Variants in ANTXR1 observed in about 807,000 individuals in gnomAD.
The protein encoded by ANTXR1 is ANTXR cell adhesion molecule 1, also known as anthrax toxin receptor 1.
ANTXR1 carries 19 observed loss-of-function variants against 78.1 expected under a neutral mutation model. The ratio of observed to expected loss-of-function variants is 0.24; its 90% CI spans 0.17 to 0.36. ANTXR1 has a LOEUF of 0.36. Among genes scored for constraint, ANTXR1 ranks in the 10% least tolerant of loss-of-function variants. The pLI is 1.00. For synonymous variants in ANTXR1, 273 were observed against 260.5 expected (o/e 1.05, Z -0.46); for missense variants, 518 against 718.6 (o/e 0.72, Z 3.19).
intron 10 of ANTXR1, among the ~76,000 whole-genome samples, chr2:69,110,591 G>A (rs899556142): frequency 4.6e-5 from 7 of 152,220 alleles, no homozygotes; most frequent in Non-Finnish European, 1.0e-4. Flanking sequence ...GGGCGCGGTG[G>A]CTCACGCCTG....
intron 10 of ANTXR1, among the ~76,000 whole-genome samples, chr2:69,118,614 A>G (rs1297093555): frequency 6.6e-6 from 1 of 152,076 alleles, no homozygotes; most frequent in Non-Finnish European, 1.5e-5. Context: ...GGCCACCTAG[A>G]GGGTGGACCA....
At chr2:69,025,764 A>G (rs1443424112) in intron 1 of ANTXR1, among the ~76,000 whole-genome samples, 2 of 152,238 alleles carry the variant, frequency 1.3e-5, no homozygotes, top group Non-Finnish European at 2.9e-5. Flanking sequence ...TTGTTAACAG[A>G]GTGACCAAAC....
intron 1 of ANTXR1, among the ~76,000 whole-genome samples, chr2:69,019,594 T>C (rs1391280347): frequency 3.3e-5 from 5 of 151,770 alleles, no homozygotes; most frequent in Non-Finnish European, 7.4e-5. Flanking sequence ...TATGTACCCC[T>C]GAACTTAAAA....
intron 1 of ANTXR1, among the ~76,000 whole-genome samples, chr2:69,035,930 G>T (rs78626570): frequency 1.3e-5 from 2 of 152,158 alleles, no homozygotes; most frequent in East Asian, 1.9e-4. Context: ...CATCAAAATG[G>T]TATAAACTTT....
At chr2:69,175,688 C>T (rs911716836) in intron 14 of ANTXR1, among the ~76,000 whole-genome samples, 3 of 151,812 alleles carry the variant, frequency 2.0e-5, no homozygotes, top group Non-Finnish European at 2.9e-5. Context: ...CACTGGGGGG[C>T]GGGTGAGAGT....
intron 15 of ANTXR1, 72 bp from the exon 16 acceptor site, chr2:69,182,421 G>A: frequency 2.6e-6 from 4 of 1,558,952 alleles, no homozygotes; most frequent in Non-Finnish European, 3.5e-6. Context: ...ACTCATGCAT[G>A]TATTTGTCAT....
chr2:69,220,579 A>G (rs1478740119), intron 17 of ANTXR1, among the ~76,000 whole-genome samples: 2 of 152,244 alleles, frequency 1.3e-5, no homozygotes, highest in African/African-American at 4.8e-5. Context: ...ATACTCTATG[A>G]TTATGAATTA....
Position 69,102,848 on chromosome 2 carries a change from T to C in ANTXR1, c.710T>C (p.Phe237Ser). Residue 237 changes from phenylalanine to serine, a missense_variant, in exon 10 of 18, where the codon TTT (phenylalanine) becomes TCT (serine). Around this residue, in one of 5 missense-constraint regions of ANTXR1, gnomAD observed 264 missense variants for 391.8 expected, o/e 0.67. Coordinates refer to ENST00000303714, the MANE Select transcript of ANTXR1 (RefSeq NM_032208.3). ...TCATTATTCTTTATTTCAGAGTCAT[T>C]TCAAGTTGTCGTGAGAGGAAACGGC... ...EPSTICAGES[F>S]QVVVRGNGFR... 1 of 1,614,080 alleles carries C rather than the reference T, an allele frequency of 6.2e-7. No homozygotes were observed. The highest frequency in any genetic ancestry group is 8.5e-7 in the Non-Finnish European group (1 of 1,179,988).
intron 9 of ANTXR1, 36 bp downstream of exon 9, chr2:69,090,955 A>G (rs558861166): frequency 9.4e-6 from 15 of 1,600,726 alleles, no homozygotes; most frequent in Non-Finnish European, 1.3e-5. Flanking sequence ...CTTTCATACA[A>G]TTGATGATAT....
intron 1 of ANTXR1, among the ~76,000 whole-genome samples, chr2:69,021,109 C>A (rs539113899): frequency 6.6e-5 from 10 of 152,194 alleles, no homozygotes; most frequent in African/African-American, 1.9e-4. Flanking sequence ...TTTACTGAAC[C>A]CTTGCTACCT....
chr2:69,020,910 A>G (rs1324035992), intron 1 of ANTXR1, among the ~76,000 whole-genome samples: 1 of 152,230 alleles, frequency 6.6e-6, no homozygotes, highest in African/African-American at 2.4e-5. Context: ...AACAATGCCT[A>G]TTGCAAGCAA....
chr2:69,185,147 C>T (rs1319199393), intron 16 of ANTXR1, among the ~76,000 whole-genome samples: 1 of 152,178 alleles, frequency 6.6e-6, no homozygotes, highest in Non-Finnish European at 1.5e-5. Context: ...CACCCAAGAA[C>T]TTGTTAGAAA....
intron 10 of ANTXR1, among the ~76,000 whole-genome samples, chr2:69,115,927 G>A (rs1031797443): frequency 4.6e-5 from 7 of 152,304 alleles, no homozygotes; most frequent in Non-Finnish European, 7.3e-5. Flanking sequence ...CCCAAGATAA[G>A]AGGACATTAC....
rs73934641 is a variant in ANTXR1, at chr2:69,016,957, T to C, written c.152+3306T>C. 8.9e-3 allele frequency among the ~76,000 whole-genome samples: 1,350 copies of C among 152,262 alleles called. 24 individuals carry two copies. Among genetic ancestry groups the C allele is most frequent in the African/African-American group, 0.03 (1,255 of 41,544 alleles). ...GCATCATAGGATTCTATGAAGCACA[T>C]TGGAGACCCAAAAATGCTCCAGGAA... On this transcript the variant is annotated intron_variant, in intron 1 of 17. Transcript: ENST00000303714.
intron 17 of ANTXR1, 39 bp from the exon 18 acceptor site, chr2:69,245,186 C>G: frequency 6.2e-7 from 1 of 1,613,218 alleles, no homozygotes; most frequent in South Asian, 1.1e-5. Context: ...TGATGTGAGG[C>G]CGTCCGCTCA....
chr2:69,162,257 G>A (rs758549719), intron 13 of ANTXR1, among the ~76,000 whole-genome samples: 2 of 152,144 alleles, frequency 1.3e-5, no homozygotes, highest in African/African-American at 2.4e-5. Flanking sequence ...TAACCTAGAT[G>A]TTTGGCTTAA....
In ANTXR1 at chr2:69,182,777, G is replaced by C. The variant is rs1674310092; in HGVS notation, c.1353+117G>C. The C allele has an allele frequency of 2.3e-6, 3 of 1,312,254 alleles. No homozygotes were observed. In the South Asian group the frequency reaches 3.7e-5, roughly 16 times the overall value. The allele number at this position is 1,312,254 out of a possible 1,614,324, so 81.3% of individuals were successfully genotyped here. A position where few individuals can be genotyped will look rare whatever the true frequency, so the allele number is the denominator to read the frequency against. On this transcript the variant is annotated intron_variant, in intron 16 of 17. Coordinates refer to ENST00000303714, the MANE Select transcript of ANTXR1 (RefSeq NM_032208.3). ...ACCTAAAACCCAGCTTATCACAGGG[G>C]AACAATTATCTAAAATTATGGACTT...
chr2:69,150,787 G>A (rs768496774), intron 12 of ANTXR1, among the ~76,000 whole-genome samples: 105 of 152,116 alleles, frequency 6.9e-4, no homozygotes, highest in Non-Finnish European at 1.0e-3. Flanking sequence ...GGGAGGCCAA[G>A]GCAGAAGAAT....
chr2:69,047,132 AG>A (rs1344911904), intron 3 of ANTXR1, among the ~76,000 whole-genome samples: 3 of 152,178 alleles, frequency 2.0e-5, no homozygotes, highest in African/African-American at 7.2e-5. Context: ...CAGGTTCTGC[AG>A]GGCTGTCTGC....
Sources: gnomAD v4.1 joint callset for allele counts (sites outside exome capture counted in the v4.1 genomes callset) on GRCh38, gnomAD v4.1.1 for gene constraint, gnomAD v4.1.1 regional missense constraint, MANE v1.5 for transcripts, NCBI Gene and HGNC (gene_info 2026-07-23, HGNC 2026-07-21) for gene names.